The following NOTO variants were observed in gnomAD, a reference collection of about 807,000 sequenced individuals.
NOTO encodes homeobox protein notochord.
In NOTO, 19 loss-of-function variants were observed where a neutral mutation model predicts 20.5. That is an observed-to-expected ratio of 0.93 (90% CI 0.65 to 1.36). The LOEUF is 1.36. Among genes scored for constraint, NOTO ranks in the 40% most tolerant of loss-of-function variants. The pLI, the probability that NOTO is intolerant of heterozygous loss-of-function variation, is 0.00. For missense variants in NOTO, 369 were observed against 336.2 expected (o/e 1.10, Z -0.76); for synonymous variants, 150 against 150.2 (o/e 1.00, Z 0.01).
intron 1 of NOTO, 44 bp downstream of exon 1, chr2:73,203,092 C>T (rs1347492641): frequency 1.5e-6 from 2 of 1,364,440 alleles, no homozygotes; most frequent in Non-Finnish European, 9.4e-7. Context: ...TGGGCGGGGG[C>T]TGGAGAGCCT....
At chr2:73,204,663 T>C (rs1686061961) in intron 1 of NOTO, among the ~76,000 whole-genome samples, 1 of 152,120 alleles carries the variant, frequency 6.6e-6, no homozygotes, top group Admixed American at 6.6e-5. Context: ...TACTACTTCA[T>C]GTTACAGTTG....
At chr2:73,207,194 A>G (rs1331010457) in intron 1 of NOTO, among the ~76,000 whole-genome samples, 1 of 152,122 alleles carries the variant, frequency 6.6e-6, no homozygotes, top group East Asian at 1.9e-4. Flanking sequence ...ACCAGGCTGT[A>G]TGTCTGATGG....
In NOTO at chr2:73,210,771, G is replaced by A. The variant is rs772674818; in HGVS notation, c.598G>A (p.Val200Met). The change falls in exon 3 of 3, where the codon GTG becomes ATG. Residue 200 changes from valine (V) to methionine (M), a missense_variant and splice_region_variant. Physicochemically the swap from Val to Met is conservative, Grantham distance 21 (BLOSUM62 1). Coordinates refer to ENST00000398468, the MANE Select transcript of NOTO (RefSeq NM_001134462.2). ...AARLKLTENQ[V>M]RVWFQNRRVK... Reference sequence around the variant, plus strand: ...ATCTCTGCCCACTCTCCAATTATAGGTGAGAGTCTGGTTCCAGAACCGCAG... The same window carrying A: ...ATCTCTGCCCACTCTCCAATTATAGATGAGAGTCTGGTTCCAGAACCGCAG... 3 of 1,548,872 alleles carry A rather than the reference G, an allele frequency of 1.9e-6. No homozygotes were observed. The highest frequency in any genetic ancestry group is 2.0e-5 in the Admixed American group (1 of 50,828).
intron 1 of NOTO, among the ~76,000 whole-genome samples, chr2:73,204,892 T>A (rs1238650056): frequency 1.4e-5 from 2 of 144,112 alleles, no homozygotes; most frequent in South Asian, 2.2e-4. Flanking sequence ...TTTTTATTTT[T>A]TTTTTTTGAG....
chr2:73,208,566 G>C lies in NOTO; in HGVS notation c.549G>C (p.Gly183=). ...KVFAKQHNLV[G]KKRAQLAARL... ...TTGCAAAACAGCACAATCTGGTGGG[G>C]AAGAAGAGAGCCCAGCTGGCAGCTC... The change falls in exon 2 of 3, where the codon GGG becomes GGC. Residue 183 remains glycine, a synonymous_variant. Coordinates refer to ENST00000398468, the MANE Select transcript of NOTO (RefSeq NM_001134462.2). 6.4e-7 allele frequency: 1 copy of C among 1,551,550 alleles called. No homozygotes were observed. Among genetic ancestry groups the C allele is most frequent in the Non-Finnish European group, 8.7e-7 (1 of 1,146,966 alleles).
intron 1 of NOTO, among the ~76,000 whole-genome samples, chr2:73,206,471 G>A (rs372127206): frequency 7.6e-4 from 116 of 152,086 alleles, no homozygotes; most frequent in African/African-American, 2.5e-3. Flanking sequence ...CCCAAGCAGC[G>A]GGGTCTACAG....
rs1478883681 is a variant in NOTO at position 73,212,146 on chromosome 2, G to C, written c.*1217G>C. 3 of 152,292 alleles carry C rather than the reference G, an allele frequency of 2.0e-5. No individual in the cohort carries two copies. Among genetic ancestry groups the C allele is most frequent in the African/African-American group, 7.2e-5 (3 of 41,446 alleles). The allele number at this position is 152,292 out of a possible 1,614,324, so 9.4% of individuals were successfully genotyped here. A position where few individuals can be genotyped will look rare whatever the true frequency, so the allele number is the denominator to read the frequency against. On this transcript the variant is annotated 3_prime_UTR_variant, in exon 3 of 3. Coordinates refer to ENST00000398468, the MANE Select transcript of NOTO (RefSeq NM_001134462.2). ...TGAACTGTTACCATTCTCAGAAGAA[G>C]CTCAGGCCCAGCAGCAAAGACAAGG...
intron 1 of NOTO, 100 bp downstream of exon 1, chr2:73,203,148 T>A: frequency 1.9e-6 from 2 of 1,063,388 alleles, no homozygotes; most frequent in Non-Finnish European, 2.5e-6. Flanking sequence ...GCACTGAGTG[T>A]GAGAATCACA....
intron 1 of NOTO, among the ~76,000 whole-genome samples, chr2:73,206,514 T>C (rs550881301): frequency 1.8e-4 from 27 of 152,200 alleles, no homozygotes; most frequent in Admixed American, 7.9e-4. Context: ...AATTTTTGTA[T>C]TTTTTGTAGA....
At position 73,208,662 on chromosome 2, in the gene NOTO, C is replaced by T. The variant is rs767042664; in HGVS notation, c.597+48C>T. ...GGCCTGGGCTGCACCTGGGGACAAA[C>T]ACTACCTCAGCAAGGCCCTAAAAGG... On this transcript the variant is annotated intron_variant, in intron 2 of 2. Transcript: ENST00000398468. 3.1e-5 allele frequency: 38 copies of T among 1,214,522 alleles called. No homozygotes were observed. The East Asian group carries it at 8.6e-4, about 28-fold the overall frequency. 75.2% of individuals were successfully genotyped at this position (1,214,522 alleles called of 1,614,324 possible).
At chr2:73,207,903 A>G (rs563094767) in intron 1 of NOTO, among the ~76,000 whole-genome samples, 2 of 152,160 alleles carry the variant, frequency 1.3e-5, no homozygotes, top group East Asian at 3.8e-4. Context: ...TCTGACTTCT[A>G]TCTCTTCTGA....
intron 1 of NOTO, among the ~76,000 whole-genome samples, chr2:73,203,956 G>A (rs1223619566): frequency 7.6e-6 from 1 of 131,186 alleles, no homozygotes. Context: ...AAAATTAGCC[G>A]GGCATGGTGG....
chr2:73,202,781 C>A lies in NOTO; in HGVS notation c.115C>A (p.Pro39Thr). ...CAGGTCCCCTACTGGCCCGAACACG[C>A]CCCGCGCTCCCGGACGCTTCGAGTC... The part of the protein sequence containing the change: ...APRSPTGPNT[P>T]RAPGRFESPF... Residue 39 changes from proline (P) to threonine (T), a missense_variant, in exon 1 of 3, where the codon CCC becomes ACC. Transcript: ENST00000398468. The A allele has an allele frequency of 6.6e-7, 1 of 1,524,156 alleles. No individual in the cohort carries two copies. Among genetic ancestry groups the A allele is most frequent in the African/African-American group, 1.4e-5 (1 of 70,542 alleles). The allele number at this position is 1,524,156 out of a possible 1,614,324, so 94.4% of individuals were successfully genotyped here.
intron 2 of NOTO, 71 bp from the exon 3 acceptor site, chr2:73,210,700 T>A (rs1686166515): frequency 8.3e-6 from 11 of 1,328,654 alleles, no homozygotes; most frequent in Non-Finnish European, 1.0e-5. Context: ...AGAGGGGTGT[T>A]CACTCCAGGA....
rs1355657723 is a variant in NOTO at position 73,208,437 on chromosome 2, C to G, written c.420C>G (p.Phe140Leu). 1.9e-6 allele frequency: 3 copies of G among 1,551,518 alleles called. No individual in the cohort carries two copies. In the African/African-American group the frequency reaches 4.1e-5, roughly 21 times the overall value. Reference protein sequence around the residue: ...ELAHCSGLWAFPDWAPTEDLQ... With the variant: ...ELAHCSGLWALPDWAPTEDLQ... ...CTCACTGCTCAGGACTCTGGGCCTT[C>G]CCAGACTGGGCCCCAACGGAGGACC... is the stretch of plus-strand genomic sequence containing the variant. The change falls in exon 2 of 3, where the codon TTC becomes TTG. Residue 140 changes from phenylalanine (F) to leucine (L), a missense_variant. Physicochemically the swap from Phe to Leu is conservative, Grantham distance 22 (BLOSUM62 0). Coordinates refer to ENST00000398468, the MANE Select transcript of NOTO (RefSeq NM_001134462.2).
In NOTO at chr2:73,208,444, T is replaced by G. The variant is rs756427855; in HGVS notation, c.427T>G (p.Trp143Gly). The G allele has an allele frequency of 6.4e-7, 1 of 1,551,704 alleles. No individual in the cohort carries two copies. The highest frequency in any genetic ancestry group is 8.7e-7 in the Non-Finnish European group (1 of 1,146,984). ...CTCAGGACTCTGGGCCTTCCCAGAC[T>G]GGGCCCCAACGGAGGACCTACAGGA... is the stretch of plus-strand genomic sequence containing the variant. ...HCSGLWAFPD[W>G]APTEDLQDTE... The change falls in exon 2 of 3, where the codon TGG becomes GGG. Residue 143 changes from tryptophan to glycine, a missense_variant. Physicochemically the swap from Trp to Gly is radical, Grantham distance 184 (BLOSUM62 -2). Coordinates refer to ENST00000398468, the MANE Select transcript of NOTO (RefSeq NM_001134462.2).
Position 73,204,309 on chromosome 2 carries a change from T to G in NOTO, c.382+1261T>G, listed in dbSNP as rs932560240. 9.2e-5 allele frequency among the ~76,000 whole-genome samples: 14 copies of G among 152,126 alleles called. No individual in the cohort carries two copies. The East Asian group carries it at 1.9e-3, about 21-fold the overall frequency. Reference sequence around the variant, plus strand: ...ACAAATCAACAAAAAAAAGTAACTATAGAGGGAACTTTGCCTTCTAGCATT... The same window carrying G: ...ACAAATCAACAAAAAAAAGTAACTAGAGAGGGAACTTTGCCTTCTAGCATT... On this transcript the variant is annotated intron_variant, in intron 1 of 2. Coordinates refer to ENST00000398468, the MANE Select transcript of NOTO (RefSeq NM_001134462.2).
chr2:73,202,927 CG>C lies in NOTO; in HGVS notation c.266del (p.Gly89ValfsTer15), dbSNP rs930549536. 2.2e-5 allele frequency: 33 copies of C among 1,525,062 alleles called. No homozygotes were observed. Among genetic ancestry groups the C allele is most frequent in the East Asian group, 2.6e-5 (1 of 38,612 alleles). 94.5% of individuals were successfully genotyped at this position (1,525,062 alleles called of 1,614,324 possible). On this transcript the variant is annotated frameshift_variant, in exon 1 of 3. Transcript: ENST00000398468. LOFTEE classifies it high-confidence loss of function. ...FWTAASLCAT[G>X]GLPWACPTSW... ...GGACCGCTGCTTCCCTGTGCGCCAC[CG>C]GGGGTCTGCCCTGGGCTTGCCCGAC...
In NOTO at chr2:73,202,853, C is replaced by T; in HGVS notation, c.187C>T (p.Pro63Ser). 6.5e-7 allele frequency: 1 copy of T among 1,526,736 alleles called. No homozygotes were observed. The highest frequency in any genetic ancestry group is 1.4e-5 in the African/African-American group (1 of 71,018). 94.6% of individuals were successfully genotyped at this position (1,526,736 alleles called of 1,614,324 possible). A position where few individuals can be genotyped will look rare whatever the true frequency, so the allele number is the denominator to read the frequency against. The change falls in exon 1 of 3, where the codon CCG (proline) becomes TCG (serine). Residue 63 changes from proline to serine, a missense_variant. Pro to Ser is a moderately conservative substitution (Grantham distance 74). Transcript: ENST00000398468. ...CCTGGCGAGGCCCGACCCCTGCGCGCCGGCGGCCTCCCAGCCGTCGGGCTC... is the reference window on the plus strand; with the variant it reads ...CCTGGCGAGGCCCGACCCCTGCGCGTCGGCGGCCTCCCAGCCGTCGGGCTC... ...AILARPDPCA[P>S]AASQPSGSAC...
Sources: gnomAD v4.1 joint callset for allele counts (sites outside exome capture counted in the v4.1 genomes callset) on GRCh38, gnomAD v4.1.1 for gene constraint, MANE v1.5 for transcripts, NCBI Gene and HGNC (gene_info 2026-07-23, HGNC 2026-07-21) for gene names.